ANKRD13C: variants seen among roughly 807,000 people sequenced by gnomAD.
ANKRD13C encodes ankyrin repeat domain 13C, also known as ankyrin repeat domain-containing protein 13C.
A neutral mutation model predicts 65.5 loss-of-function variants in ANKRD13C; 16 were observed. The observed-to-expected ratio is 0.24, with a 90% CI of 0.17 to 0.37. ANKRD13C has a LOEUF of 0.37. Among genes scored for constraint, ANKRD13C ranks in the 10% least tolerant of loss-of-function variants. The probability of loss-of-function intolerance (pLI) is 1.00; values close to 1 mark genes in which losing one functional copy is unlikely to be tolerated. For missense variants in ANKRD13C, 503 were observed against 655.9 expected (o/e 0.77, Z 2.55); for synonymous variants, 235 against 238.7 (o/e 0.98, Z 0.14).
Position 70,262,507 on chromosome 1 carries a change from T to A in ANKRD13C, c.*210A>T, listed in dbSNP as rs1678428081. 1 of 364,438 alleles carries A rather than the reference T, an allele frequency of 2.7e-6. No individual in the cohort carries two copies. The highest frequency in any genetic ancestry group is 4.9e-6 in the Non-Finnish European group (1 of 202,112). The allele number at this position is 364,438 out of a possible 1,614,324, so 22.6% of individuals were successfully genotyped here. A position where few individuals can be genotyped will look rare whatever the true frequency, so the allele number is the denominator to read the frequency against. On this transcript the variant is annotated 3_prime_UTR_variant, in exon 13 of 13. Transcript: ENST00000370944. ...GTCAAACTATTACATTTATAATATG[T>A]ATATTTTTAAAAAGACAAAAAATGG...
In ANKRD13C at chr1:70,308,182, A is replaced by G. The variant is rs142657945; in HGVS notation, c.710-1892T>C. ...TCATTACTTATTTATTTTTTTAAAG[A>G]CGGGGGTCTCCCTATATTGGCCAGG... On this transcript the variant is annotated intron_variant, in intron 5 of 12. Transcript: ENST00000370944. 3.9e-3 allele frequency among the ~76,000 whole-genome samples: 593 copies of G among 152,140 alleles called. 6 individuals are homozygous for G. Among genetic ancestry groups the G allele is most frequent in the African/African-American group, 0.014 (562 of 41,482 alleles).
intron 7 of ANKRD13C, among the ~76,000 whole-genome samples, chr1:70,300,451 G>A (rs1680300095): frequency 6.6e-6 from 1 of 152,090 alleles, no homozygotes; most frequent in Non-Finnish European, 1.5e-5. Flanking sequence ...AGCCGGGCTT[G>A]GTGGCGGGCG....
chr1:70,318,689 T>TTG (rs1384301421), intron 3 of ANKRD13C, among the ~76,000 whole-genome samples: 1 of 146,546 alleles, frequency 6.8e-6, no homozygotes, highest in Non-Finnish European at 1.5e-5. Flanking sequence ...GTTTTTTTTT[T>TTG]TTTTTTTTTT....
chr1:70,354,657 T>TCGCCGTCGCAGCCGCCGTCGCAGC lies in ANKRD13C; in HGVS notation c.-250_-249insGCTGCGACGGCGGCTGCGACGGCG. On this transcript the variant is annotated 5_prime_UTR_variant, in exon 1 of 13. Coordinates refer to ENST00000370944, the MANE Select transcript of ANKRD13C (RefSeq NM_030816.5). ...TGCCCACGACACCAGGATCTCAGTCTCGCCGTCGCAGCCGCCGTCGCTGCC... is the reference window on the plus strand; with the variant it reads ...TGCCCACGACACCAGGATCTCAGTCTCGCCGTCGCAGCCGCCGTCGCAGCCGCCGTCGCAGCCGCCGTCGCTGCC... The TCGCCGTCGCAGCCGCCGTCGCAGC allele has an allele frequency of 1.1e-6, 1 of 926,508 alleles. No homozygotes were observed. The highest frequency in any genetic ancestry group is 1.8e-5 in the South Asian group (1 of 55,406). 57.4% of individuals were successfully genotyped at this position (926,508 alleles called of 1,614,324 possible).
intron 12 of ANKRD13C, among the ~76,000 whole-genome samples, chr1:70,263,917 G>A (rs1320823304): frequency 6.6e-6 from 1 of 152,134 alleles, no homozygotes; most frequent in African/African-American, 2.4e-5. Context: ...GTATTTTATT[G>A]CAGAAAGTTA....
At chr1:70,288,760 A>G (rs767951380) in intron 9 of ANKRD13C, among the ~76,000 whole-genome samples, 7 of 152,200 alleles carry the variant, frequency 4.6e-5, no homozygotes, top group Non-Finnish European at 8.8e-5. Flanking sequence ...GGGGCAGCAA[A>G]TGTGCCTATA....
Position 70,346,158 on chromosome 1 carries a change from C to T in ANKRD13C, c.430+7821G>A, listed in dbSNP as rs145901582. 3.6e-3 allele frequency among the ~76,000 whole-genome samples: 543 copies of T among 151,956 alleles called. 6 individuals carry two copies. Among genetic ancestry groups the T allele is most frequent in the Non-Finnish European group, 3.2e-3 (217 of 67,966 alleles). On this transcript the variant is annotated intron_variant, in intron 1 of 12. Transcript: ENST00000370944. Reference sequence around the variant, plus strand: ...CCCCACTCAGTTTAACAATGCTTTCCCTTATTTACCCAGTCAGTATGCAGC... The same window carrying T: ...CCCCACTCAGTTTAACAATGCTTTCTCTTATTTACCCAGTCAGTATGCAGC...
intron 7 of ANKRD13C, among the ~76,000 whole-genome samples, chr1:70,299,474 A>G (rs1007495257): frequency 5.9e-5 from 9 of 152,196 alleles, no homozygotes; most frequent in African/African-American, 2.2e-4. Flanking sequence ...ATGAGAAGGG[A>G]GCCAGGAAGA....
rs186793074 is a variant in ANKRD13C, at chr1:70,265,910, G to A, written c.1496-3063C>T. ...GGAATGGAGGGAGGGAAAGAGGACG[G>A]AAGGAAAGAGAGAGGGAGGAAGGGA... On this transcript the variant is annotated intron_variant, in intron 12 of 12. Transcript: ENST00000370944. 4.6e-4 allele frequency among the ~76,000 whole-genome samples: 69 copies of A among 150,612 alleles called. No individual in the cohort carries two copies. In the East Asian group the frequency reaches 5.1e-3, roughly 11 times the overall value.
chr1:70,341,055 A>T (rs1389688311), intron 1 of ANKRD13C, among the ~76,000 whole-genome samples: 1 of 152,218 alleles, frequency 6.6e-6, no homozygotes, highest in Admixed American at 6.5e-5. Flanking sequence ...GGTTGCAGTC[A>T]GCCAAGATCA....
chr1:70,270,391 T>C (rs1678825944), intron 12 of ANKRD13C, among the ~76,000 whole-genome samples: 1 of 152,204 alleles, frequency 6.6e-6, no homozygotes, highest in Admixed American at 6.5e-5. Context: ...ATATAATTAC[T>C]GAAAAACTTT....
At chr1:70,334,615 C>T (rs772271916) in intron 2 of ANKRD13C, among the ~76,000 whole-genome samples, 33 of 151,910 alleles carry the variant, frequency 2.2e-4, no homozygotes, top group African/African-American at 6.0e-4. Context: ...GGGAACACAG[C>T]GACACCATGT....
intron 5 of ANKRD13C, among the ~76,000 whole-genome samples, chr1:70,310,752 C>T (rs574409449): frequency 6.6e-6 from 1 of 152,126 alleles, no homozygotes; most frequent in Admixed American, 6.5e-5. Flanking sequence ...GTTAAAAAGC[C>T]AAAATACTCA....
Position 70,299,044 on chromosome 1 carries a change from T to C in ANKRD13C, c.921+1720A>G, listed in dbSNP as rs72929267. Among the ~76,000 whole-genome samples the C allele has an allele frequency of 5.3e-3, 802 of 152,302 alleles. 10 individuals are homozygous for C. Among genetic ancestry groups the C allele is most frequent in the African/African-American group, 0.019 (775 of 41,554 alleles). On this transcript the variant is annotated intron_variant, in intron 7 of 12. Transcript: ENST00000370944. ...ATAGAAGGGAAAAAAGCCATGTCAG[T>C]AAATGTAACATTAGAAGCTTTATGG... is the stretch of plus-strand genomic sequence containing the variant.
intron 9 of ANKRD13C, among the ~76,000 whole-genome samples, chr1:70,284,661 T>A (rs1405458108): frequency 6.6e-6 from 1 of 152,238 alleles, no homozygotes; most frequent in Non-Finnish European, 1.5e-5. Flanking sequence ...TCTGCTTCTC[T>A]ATCTTCGTAA....
rs957861929 is a variant in ANKRD13C at position 70,271,095 on chromosome 1, C to G, written c.1395-139G>C. On this transcript the variant is annotated intron_variant, in intron 11 of 12. Coordinates refer to ENST00000370944, the MANE Select transcript of ANKRD13C (RefSeq NM_030816.5). ...GGATGAGTAAATTACAGACTTTATT[C>G]CTCCTAACTTTTTACTCTATAATGG... is the stretch of plus-strand genomic sequence containing the variant. 6 of 564,570 alleles carry G rather than the reference C, an allele frequency of 1.1e-5. No homozygotes were observed. The African/African-American group carries it at 1.2e-4, about 11-fold the overall frequency. 35.0% of individuals were successfully genotyped at this position (564,570 alleles called of 1,614,324 possible).
Position 70,322,036 on chromosome 1 carries a change from C to T in ANKRD13C, c.577+2817G>A, listed in dbSNP as rs146999673. Among the ~76,000 whole-genome samples the T allele has an allele frequency of 4.5e-3, 682 of 152,170 alleles. 8 individuals carry two copies. The highest frequency in any genetic ancestry group is 0.016 in the African/African-American group (659 of 41,492). On this transcript the variant is annotated intron_variant, in intron 3 of 12. Transcript: ENST00000370944. ...GATAATTTCAAAGTACAGACATAGCCGGGCATGGTGGCTCACGCCTGTAAT... is the reference window on the plus strand; with the variant it reads ...GATAATTTCAAAGTACAGACATAGCTGGGCATGGTGGCTCACGCCTGTAAT...
chr1:70,330,371 A>C (rs1042706529), intron 2 of ANKRD13C, among the ~76,000 whole-genome samples: 1 of 152,072 alleles, frequency 6.6e-6, no homozygotes, highest in African/African-American at 2.4e-5. Context: ...CTGTCTGGCC[A>C]ACATGGCAAA....
At chr1:70,329,223 C>CA (rs1572147975) in intron 2 of ANKRD13C, among the ~76,000 whole-genome samples, 1 of 151,902 alleles carries the variant, frequency 6.6e-6, no homozygotes, top group African/African-American at 2.4e-5. Flanking sequence ...TATTAGTAAC[C>CA]AAAAAAATCA....
Sources: gnomAD v4.1 joint callset for allele counts (sites outside exome capture counted in the v4.1 genomes callset) on GRCh38, gnomAD v4.1.1 for gene constraint, MANE v1.5 for transcripts, NCBI Gene and HGNC (gene_info 2026-07-23, HGNC 2026-07-21) for gene names.